ITPR1: variants seen among roughly 807,000 people sequenced by gnomAD.
ITPR1 encodes inositol 1,4,5-trisphosphate receptor type 1.
In ITPR1, 96 loss-of-function variants were observed where a neutral mutation model predicts 318.4. That is an observed-to-expected ratio of 0.30 (90% CI 0.26 to 0.36). ITPR1 has a LOEUF of 0.36. Among genes scored for constraint, ITPR1 ranks in the 10% least tolerant of loss-of-function variants. ITPR1 has a pLI of 1.00. For missense variants in ITPR1, 2,440 were observed against 3,460.2 expected (o/e 0.71, Z 7.40); for synonymous variants, 1,312 against 1,289.9 (o/e 1.02, Z -0.37).
At chr3:4,753,757 G>T (rs1387419749) in intron 44 of ITPR1, among the ~76,000 whole-genome samples, 1 of 152,122 alleles carries the variant, frequency 6.6e-6, no homozygotes, top group Non-Finnish European at 1.5e-5. Flanking sequence ...AAGTGTCCTT[G>T]TCACAGTTTG....
At position 4,812,285 on chromosome 3, in the gene ITPR1, G is replaced by C. The variant is rs1366318574; in HGVS notation, c.7468+825G>C. 4.6e-5 allele frequency among the ~76,000 whole-genome samples: 7 copies of C among 152,078 alleles called. No homozygotes were observed. In the South Asian group the frequency reaches 1.4e-3, roughly 31 times the overall value. ...ACTCCTGGGCTCAGGCGATCCCCCA[G>C]CTTTAGCTTCCCAAAGTGCTGGGAT... On this transcript the variant is annotated intron_variant, in intron 56 of 61. Coordinates refer to ENST00000649015, the MANE Select transcript of ITPR1 (RefSeq NM_001378452.1).
intron 44 of ITPR1, among the ~76,000 whole-genome samples, chr3:4,766,197 T>G (rs1007265912): frequency 1.3e-5 from 2 of 152,208 alleles, no homozygotes; most frequent in African/African-American, 4.8e-5. Flanking sequence ...AGCTCAGTTT[T>G]CATTATTAAC....
Position 4,818,080 on chromosome 3 carries a change from A to G in ITPR1, c.7868-2A>G. The G allele has an allele frequency of 6.3e-7, 1 of 1,593,180 alleles. No individual in the cohort carries two copies. Among genetic ancestry groups the G allele is most frequent in the Non-Finnish European group, 8.6e-7 (1 of 1,165,486 alleles). ...GCTGGGGGCTTTTTGTCTCATTTTT[A>G]GGCTTGGAAAGAGACAAGTTTGACA... On this transcript the variant is annotated splice_acceptor_variant, in intron 59 of 61. Coordinates refer to ENST00000649015, the MANE Select transcript of ITPR1 (RefSeq NM_001378452.1). LOFTEE classifies it high-confidence loss of function.
intron 5 of ITPR1, among the ~76,000 whole-genome samples, chr3:4,635,891 CT>C (rs879690224): frequency 5.9e-4 from 86 of 145,466 alleles, no homozygotes; most frequent in Admixed American, 6.2e-4. Flanking sequence ...TGTTTGCTTG[CT>C]TTTTTTTTTT....
intron 4 of ITPR1, among the ~76,000 whole-genome samples, chr3:4,526,454 C>G (rs1042640828): frequency 6.6e-6 from 1 of 152,212 alleles, no homozygotes; most frequent in Non-Finnish European, 1.5e-5. Context: ...GAGTGTTGAC[C>G]TCCAGCGCTG....
At chr3:4,599,875 C>T (rs942868279) in intron 4 of ITPR1, among the ~76,000 whole-genome samples, 1 of 152,156 alleles carries the variant, frequency 6.6e-6, no homozygotes, top group Non-Finnish European at 1.5e-5. Context: ...ATATAGTTGT[C>T]AGTTTTGACG....
chr3:4,644,324 T>G (rs900317756), intron 8 of ITPR1, 90 bp downstream of exon 8: 37 of 841,606 alleles, frequency 4.4e-5, no homozygotes, highest in Non-Finnish European at 6.3e-5. Context: ...GAGAGTGACT[T>G]CAGCAGTGAC....
intron 40 of ITPR1, among the ~76,000 whole-genome samples, chr3:4,719,926 G>T (rs1247935614): frequency 6.6e-6 from 1 of 152,144 alleles, no homozygotes; most frequent in Non-Finnish European, 1.5e-5. Flanking sequence ...GGGGACAGAT[G>T]GGGTGGAGGA....
At position 4,583,329 on chromosome 3, in the gene ITPR1, G is replaced by A. The variant is rs559559279; in HGVS notation, c.164-44434G>A. 1.7e-4 allele frequency among the ~76,000 whole-genome samples: 26 copies of A among 152,042 alleles called. 1 individual carries two copies. The South Asian group carries it at 4.8e-3, about 28-fold the overall frequency. ...GTAGACTTGGGAAAAAAAAGTTAGC[G>A]TTTTTTCACTAACTTTTTTTTTTCT... On this transcript the variant is annotated intron_variant, in intron 4 of 61. Coordinates refer to ENST00000649015, the MANE Select transcript of ITPR1 (RefSeq NM_001378452.1).
chr3:4,508,999 A>G (rs1430909971), intron 2 of ITPR1, among the ~76,000 whole-genome samples: 1 of 152,228 alleles, frequency 6.6e-6, no homozygotes, highest in Non-Finnish European at 1.5e-5. Flanking sequence ...GAATCACAGG[A>G]CAGAGGTGAG....
chr3:4,771,894 C>A (rs938178723), intron 46 of ITPR1, among the ~76,000 whole-genome samples: 4 of 151,984 alleles, frequency 2.6e-5, no homozygotes, highest in Non-Finnish European at 4.4e-5. Flanking sequence ...CTGCTCTGTT[C>A]GGAGTGGAAA....
At chr3:4,845,301 A>G (rs1409166955) in intron 61 of ITPR1, among the ~76,000 whole-genome samples, 1 of 152,188 alleles carries the variant, frequency 6.6e-6, no homozygotes, top group Non-Finnish European at 1.5e-5. Context: ...TTGAATGCTC[A>G]CCCTAAAATC....
chr3:4,682,125 G>C (rs1168665825), intron 26 of ITPR1, among the ~76,000 whole-genome samples: 1 of 152,214 alleles, frequency 6.6e-6, no homozygotes, highest in Non-Finnish European at 1.5e-5. Context: ...TTACAGTCCT[G>C]TGGCTTGATT....
intron 54 of ITPR1, among the ~76,000 whole-genome samples, chr3:4,804,395 G>C (rs1169810136): frequency 6.6e-6 from 1 of 152,112 alleles, no homozygotes; most frequent in Non-Finnish European, 1.5e-5. Flanking sequence ...AAGACTGCTG[G>C]GTGCGCAGAA....
chr3:4,588,233 G>A (rs1463364986), intron 4 of ITPR1, among the ~76,000 whole-genome samples: 2 of 152,080 alleles, frequency 1.3e-5, no homozygotes, highest in African/African-American at 4.8e-5. Context: ...TGCTGCAAAG[G>A]CTTGTTCCTT....
intron 31 of ITPR1, among the ~76,000 whole-genome samples, chr3:4,689,518 C>T (rs1574871438): frequency 6.6e-6 from 1 of 152,300 alleles, no homozygotes; most frequent in Middle Eastern, 3.4e-3. Context: ...TTAGGATGCT[C>T]AACCAGCAGA....
intron 2 of ITPR1, 80 bp from the exon 3 acceptor site, chr3:4,516,396 T>G: frequency 1.4e-6 from 1 of 733,492 alleles, no homozygotes; most frequent in Non-Finnish European, 2.2e-6. Context: ...AAAATTGAGC[T>G]AAGCCAACTC....
chr3:4,697,135 T>C lies in ITPR1; in HGVS notation c.4282-12T>C. 1.2e-6 allele frequency: 2 copies of C among 1,609,740 alleles called. No homozygotes were observed. Among genetic ancestry groups the C allele is most frequent in the Non-Finnish European group, 1.7e-6 (2 of 1,177,656 alleles). On this transcript the variant is annotated splice_polypyrimidine_tract_variant and intron_variant, in intron 33 of 61. Coordinates refer to ENST00000649015, the MANE Select transcript of ITPR1 (RefSeq NM_001378452.1). ...AGATGGTTTTTCAGAAAAGCTTCTTTCTATCTTGCAGGTTAAAATTGCATA... is the reference window on the plus strand; with the variant it reads ...AGATGGTTTTTCAGAAAAGCTTCTTCCTATCTTGCAGGTTAAAATTGCATA...
intron 4 of ITPR1, among the ~76,000 whole-genome samples, chr3:4,552,327 C>G (rs1446433165): frequency 6.6e-6 from 1 of 152,212 alleles, no homozygotes; most frequent in African/African-American, 2.4e-5. Context: ...CCTGACACAC[C>G]AGTCTGGGCC....
Sources: gnomAD v4.1 joint callset for allele counts (sites outside exome capture counted in the v4.1 genomes callset) on GRCh38, gnomAD v4.1.1 for gene constraint, MANE v1.5 for transcripts, NCBI Gene and HGNC (gene_info 2026-07-23, HGNC 2026-07-21) for gene names.